DCC: variants seen among roughly 807,000 people sequenced by gnomAD.
DCC encodes the protein netrin receptor DCC.
In DCC, 58 loss-of-function variants were observed where a neutral mutation model predicts 172.5. That is an observed-to-expected ratio of 0.34 (90% CI 0.27 to 0.42). The LOEUF (loss-of-function observed/expected upper bound fraction) is 0.42. Among genes scored for constraint, DCC ranks in the 10% least tolerant of loss-of-function variants. DCC has a pLI of 1.00. For synonymous variants in DCC, 709 were observed against 644.5 expected, an observed-to-expected ratio of 1.10 and a Z score of -1.52; for missense variants, 1,740 against 1,791.0, an observed-to-expected ratio of 0.97 and a Z score of 0.51.
rs375878664 is a variant in DCC, at chr18:52,340,626, C to T, written c.-162C>T. 6 of 738,702 alleles carry T rather than the reference C, an allele frequency of 8.1e-6. No individual in the cohort carries two copies. Among genetic ancestry groups the T allele is most frequent in the South Asian group, 4.3e-5 (3 of 70,372 alleles). The allele number at this position is 738,702 out of a possible 1,614,324, so 45.8% of individuals were successfully genotyped here. ...AAAAAGGCTTCGAAGGCAGCAGAGG[C>T]GCAGGGGAGGTGGAGAAAGAGGTGG... On this transcript the variant is annotated 5_prime_UTR_variant, in exon 1 of 29. Coordinates refer to ENST00000442544, the MANE Select transcript of DCC (RefSeq NM_005215.4).
chr18:53,312,153 C>CAAAAAAA (rs895203731), intron 13 of DCC, among the ~76,000 whole-genome samples: 56 of 26,686 alleles, frequency 2.1e-3, no homozygotes, highest in Non-Finnish European at 2.5e-3. Flanking sequence ...GCTAAAAATA[C>CAAAAAAA]AAAAAAAAAA....
chr18:53,057,442 A>T (rs1047699194), intron 5 of DCC, among the ~76,000 whole-genome samples: 2 of 152,100 alleles, frequency 1.3e-5, no homozygotes, highest in Non-Finnish European at 2.9e-5. Flanking sequence ...CATTTCTATC[A>T]CTTATTAGTT....
chr18:53,338,346 G>A (rs964432260), intron 14 of DCC, among the ~76,000 whole-genome samples: 4 of 152,210 alleles, frequency 2.6e-5, no homozygotes, highest in African/African-American at 9.6e-5. Context: ...GCTCAAGCCT[G>A]TAATCCCAGA....
At chr18:53,145,343 G>C (rs1473607692) in intron 7 of DCC, among the ~76,000 whole-genome samples, 2 of 152,034 alleles carry the variant, frequency 1.3e-5, no homozygotes, top group African/African-American at 2.4e-5. Context: ...TAGATCTCCT[G>C]GCCTCGTGAT....
intron 12 of DCC, among the ~76,000 whole-genome samples, chr18:53,289,284 A>G (rs536596750): frequency 6.6e-6 from 1 of 152,324 alleles, no homozygotes; most frequent in East Asian, 1.9e-4. Context: ...GTTTCTAAGC[A>G]TGGAATCACA....
chr18:52,648,115 ATCTGGGGTG>A (rs2144917306), intron 1 of DCC, among the ~76,000 whole-genome samples: 1 of 152,334 alleles, frequency 6.6e-6, no homozygotes, highest in South Asian at 2.1e-4. Context: ...AAGCAAGAAC[ATCTGGGGTG>A]TTACTTAGAT....
At chr18:52,462,968 C>T (rs766997146) in intron 1 of DCC, among the ~76,000 whole-genome samples, 31 of 152,152 alleles carry the variant, frequency 2.0e-4, no homozygotes, top group Non-Finnish European at 3.2e-4. Flanking sequence ...TCTCTGCTGC[C>T]TGATAGTGGA....
At chr18:52,535,458 G>T (rs529483524) in intron 1 of DCC, among the ~76,000 whole-genome samples, 1 of 152,284 alleles carries the variant, frequency 6.6e-6, no homozygotes, top group South Asian at 2.1e-4. Flanking sequence ...AGCTAAGGCT[G>T]CACTGGCTAA....
intron 7 of DCC, among the ~76,000 whole-genome samples, chr18:53,118,387 A>C (rs1383721777): frequency 6.6e-6 from 1 of 151,776 alleles, no homozygotes; most frequent in Non-Finnish European, 1.5e-5. Context: ...AGAATTTCAG[A>C]TGTCACGCAT....
intron 2 of DCC, among the ~76,000 whole-genome samples, chr18:52,856,461 TA>T (rs1292289096): frequency 2.0e-5 from 3 of 150,782 alleles, no homozygotes; most frequent in Admixed American, 6.6e-5. Context: ...CCGTCTCTAC[TA>T]AAAAATACAA....
intron 2 of DCC, among the ~76,000 whole-genome samples, chr18:52,882,564 A>G (rs2039502458): frequency 6.6e-6 from 1 of 151,898 alleles, no homozygotes; most frequent in Non-Finnish European, 1.5e-5. Context: ...ATGTGTTTGT[A>G]TAGTTTCCAA....
chr18:53,142,231 C>T (rs1054742765), intron 7 of DCC, among the ~76,000 whole-genome samples: 1 of 152,202 alleles, frequency 6.6e-6, no homozygotes, highest in East Asian at 1.9e-4. Context: ...CAGCATGAAT[C>T]ATAAATGCTC....
chr18:53,000,078 G>T (rs1284452606), intron 5 of DCC, among the ~76,000 whole-genome samples: 1 of 152,028 alleles, frequency 6.6e-6, no homozygotes, highest in Non-Finnish European at 1.5e-5. Context: ...CAGGGTCTCA[G>T]AGCAAGTATA....
chr18:53,170,409 A>T (rs1276813673), intron 8 of DCC, among the ~76,000 whole-genome samples: 1 of 152,234 alleles, frequency 6.6e-6, no homozygotes, highest in Non-Finnish European at 1.5e-5. Flanking sequence ...AATTAATATG[A>T]TAGAAAATAT....
Position 53,530,943 on chromosome 18 carries a change from T to G in DCC, c.*290T>G. The stretch of plus-strand genomic sequence containing the variant: ...TAGAATAGTCATGGGCCTTTGTCAC[T>G]GCAGTGACCACACTGTCATAACTAA... On this transcript the variant is annotated 3_prime_UTR_variant, in exon 29 of 29. Coordinates refer to ENST00000442544, the MANE Select transcript of DCC (RefSeq NM_005215.4). 1 of 505,526 alleles carries G rather than the reference T, an allele frequency of 2.0e-6. No individual in the cohort carries two copies. Among genetic ancestry groups the G allele is most frequent in the Non-Finnish European group, 3.6e-6 (1 of 276,950 alleles). 31.3% of individuals were successfully genotyped at this position (505,526 alleles called of 1,614,324 possible).
At chr18:52,806,592 G>T (rs553507389) in intron 2 of DCC, among the ~76,000 whole-genome samples, 1 of 152,274 alleles carries the variant, frequency 6.6e-6, no homozygotes, top group African/African-American at 2.4e-5. Context: ...ACAGATAAAG[G>T]GCATCTTTAA....
chr18:52,393,371 A>G (rs189593485), intron 1 of DCC, among the ~76,000 whole-genome samples: 25 of 152,228 alleles, frequency 1.6e-4, no homozygotes, highest in Admixed American at 1.4e-3. Flanking sequence ...GACCTGAGTC[A>G]GTGGTTCTCA....
chr18:52,401,722 A>C (rs1001955566), intron 1 of DCC, among the ~76,000 whole-genome samples: 1 of 152,010 alleles, frequency 6.6e-6, no homozygotes, highest in Non-Finnish European at 1.5e-5. Context: ...TTTCTTTCAA[A>C]AGTGAGATTT....
At position 52,629,928 on chromosome 18, in the gene DCC, C is replaced by G. The variant is rs28582592; in HGVS notation, c.92-122126C>G. ...TGGCGCCACTGCACTCCAGCCTGGG[C>G]GACAGAGCAAGACTCCGTCTCAAAA... is the stretch of plus-strand genomic sequence containing the variant. On this transcript the variant is annotated intron_variant, in intron 1 of 28. Transcript: ENST00000442544. Among the ~76,000 whole-genome samples the G allele has an allele frequency of 2.5e-5, 3 of 121,226 alleles. No homozygotes were observed. In the South Asian group the frequency reaches 8.3e-4, roughly 33 times the overall value. 79.5% of individuals were successfully genotyped at this position (121,226 alleles called of 152,430 possible). A position where few individuals can be genotyped will look rare whatever the true frequency, so the allele number is the denominator to read the frequency against.
Sources: allele counts gnomAD v4.1 joint callset (sites outside exome capture counted in the v4.1 genomes callset), GRCh38; gene constraint gnomAD v4.1.1; transcripts MANE v1.5; gene names NCBI Gene and HGNC (gene_info 2026-07-23, HGNC 2026-07-21).